The following DNAH14 variants were observed in gnomAD, a reference collection of about 807,000 sequenced individuals.
DNAH14 encodes axonemal beta dynein heavy chain 14.
Under a neutral mutation model 520.9 loss-of-function variants are expected in DNAH14, and 478 were observed. The observed-to-expected ratio is 0.92, with a 90% CI of 0.85 to 0.99. The LOEUF is 0.99. Among genes scored for constraint, DNAH14 ranks in the 50% least tolerant of loss-of-function variants. DNAH14 has a pLI of 0.00. For missense variants in DNAH14, 4,831 were observed against 5,234.5 expected (o/e 0.92, Z 2.38); for synonymous variants, 1,581 against 1,757.2 (o/e 0.90, Z 2.51).
At chr1:225,291,432 T>C (rs1487404461) in intron 55 of DNAH14, among the ~76,000 whole-genome samples, 2 of 152,138 alleles carry the variant, frequency 1.3e-5, no homozygotes, top group Non-Finnish European at 2.9e-5. Context: ...TTTGTTTTGT[T>C]TTGAGACAGA....
chr1:225,094,829 A>AC (rs2074794590), intron 21 of DNAH14, among the ~76,000 whole-genome samples: 3 of 151,360 alleles, frequency 2.0e-5, no homozygotes, highest in South Asian at 2.1e-4. Flanking sequence ...AAAAAAAAAA[A>AC]AAAAAACAAC....
chr1:225,003,601 G>A (rs1383963033), intron 9 of DNAH14, among the ~76,000 whole-genome samples: 9 of 152,136 alleles, frequency 5.9e-5, no homozygotes, highest in South Asian at 2.1e-4. Flanking sequence ...AATCAACATC[G>A]TATGTTTAGA....
rs1347168485 is a variant in DNAH14, at chr1:225,367,866, G to T, written c.12152G>T (p.Gly4051Val). Residue 4051 changes from glycine to valine, a missense_variant, in exon 77 of 86, where the codon GGG (glycine) becomes GTG (valine). Gly to Val is a moderately radical substitution (Grantham distance 109). Coordinates refer to ENST00000682510, the MANE Select transcript of DNAH14 (RefSeq NM_001367479.1). Reference protein sequence around the residue: ...SNLLQTFGCTGSGEVTEEIFE... With the variant: ...SNLLQTFGCTVSGEVTEEIFE... ...TTACTTCAGACATTTGGATGTACTG[G>T]GAGTGGAGAGGTAACAGAAGAGATA... 11 of 1,551,580 alleles carry T rather than the reference G, an allele frequency of 7.1e-6. No individual in the cohort carries two copies. Among genetic ancestry groups the T allele is most frequent in the Non-Finnish European group, 9.6e-6 (11 of 1,146,882 alleles).
chr1:225,361,145 C>T (rs1242697259), intron 75 of DNAH14, among the ~76,000 whole-genome samples: 2 of 152,104 alleles, frequency 1.3e-5, no homozygotes, highest in Non-Finnish European at 2.9e-5. Flanking sequence ...ACTTTCTTTC[C>T]TCAAACTCTT....
At chr1:225,074,039 G>T (rs1449506900) in intron 17 of DNAH14, among the ~76,000 whole-genome samples, 1 of 103,746 alleles carries the variant, frequency 9.6e-6, no homozygotes, top group Non-Finnish European at 1.8e-5. Context: ...TCGCTCTGTC[G>T]CCCAGGCTGG....
rs561093150 is a variant in DNAH14 at position 225,377,836 on chromosome 1, C to G, written c.12716+400C>G. Among the ~76,000 whole-genome samples the G allele has an allele frequency of 1.0e-3, 153 of 152,046 alleles. 1 individual carries two copies. Among genetic ancestry groups the G allele is most frequent in the Non-Finnish European group, 1.7e-3 (114 of 68,006 alleles). ...TAAAAGATATTTGAATGTTTGACCC[C>G]ATTTATAAGCTTAAACATTTTCAAA... On this transcript the variant is annotated intron_variant, in intron 79 of 85. Transcript: ENST00000682510.
intron 17 of DNAH14, among the ~76,000 whole-genome samples, chr1:225,068,575 A>G (rs1299453905): frequency 2.6e-5 from 4 of 152,182 alleles, no homozygotes; most frequent in Non-Finnish European, 5.9e-5. Context: ...CTTCCTATCC[A>G]TGAGCATGGA....
chr1:225,314,252 G>T (rs539568692), intron 60 of DNAH14, among the ~76,000 whole-genome samples: 21 of 152,262 alleles, frequency 1.4e-4, no homozygotes, highest in Non-Finnish European at 3.1e-4. Flanking sequence ...CAGAGACGAG[G>T]ATTGCAATCG....
chr1:225,101,814 TAA>T (rs1047011321), intron 23 of DNAH14, among the ~76,000 whole-genome samples: 1 of 152,190 alleles, frequency 6.6e-6, no homozygotes, highest in African/African-American at 2.4e-5. Flanking sequence ...AGTGCTTCAA[TAA>T]ACACAGAGTG....
At chr1:225,225,673 A>G (rs1358419481) in intron 41 of DNAH14, among the ~76,000 whole-genome samples, 1 of 152,198 alleles carries the variant, frequency 6.6e-6, no homozygotes, top group Non-Finnish European at 1.5e-5. Context: ...TCAATCAACC[A>G]TAAAAAAGCA....
rs185662239 is a variant in DNAH14 at position 225,270,592 on chromosome 1, C to T, written c.7540-143C>T. The T allele has an allele frequency of 1.4e-3, 879 of 613,212 alleles. 6 individuals carry two copies. In the African/African-American group the frequency reaches 0.015, roughly 10 times the overall value. 38.0% of individuals were successfully genotyped at this position (613,212 alleles called of 1,614,324 possible). The stretch of plus-strand genomic sequence containing the variant: ...GATAGATTTCTATTACCACTGTAAT[C>T]TTTGTTTTTGCAATAAATAGTAATT... On this transcript the variant is annotated intron_variant, in intron 49 of 85. Coordinates refer to ENST00000682510, the MANE Select transcript of DNAH14 (RefSeq NM_001367479.1).
intron 67 of DNAH14, 92 bp downstream of exon 67, chr1:225,337,588 A>T: frequency 4.2e-6 from 4 of 960,456 alleles, no homozygotes; most frequent in Non-Finnish European, 6.3e-6. Flanking sequence ...GTGACAGATA[A>T]CTGTCAGGGA....
chr1:225,383,651 C>T (rs2095805554), intron 81 of DNAH14, among the ~76,000 whole-genome samples: 1 of 152,170 alleles, frequency 6.6e-6, no homozygotes, highest in Non-Finnish European at 1.5e-5. Flanking sequence ...AGCAGAAAGA[C>T]GTGCTGTGTG....
intron 54 of DNAH14, among the ~76,000 whole-genome samples, chr1:225,280,779 A>G (rs961171924): frequency 2.0e-5 from 3 of 152,180 alleles, no homozygotes; most frequent in African/African-American, 4.8e-5. Context: ...AGGAATTCTC[A>G]ATAAGATTTA....
At chr1:224,938,997 A>G (rs551793893) in intron 1 of DNAH14, among the ~76,000 whole-genome samples, 1 of 152,292 alleles carries the variant, frequency 6.6e-6, no homozygotes, top group Admixed American at 6.5e-5. Flanking sequence ...TCGTGCAAAT[A>G]GAGTAGAATG....
intron 6 of DNAH14, chr1:224,967,960 C>A (rs1177001453): frequency 1.8e-6 from 2 of 1,139,574 alleles, no homozygotes; most frequent in East Asian, 4.4e-5. Context: ...ATGTAGAAAT[C>A]CCCCTTTTAC....
In DNAH14 at chr1:225,346,378, A is replaced by C; in HGVS notation, c.11095A>C (p.Lys3699Gln). 2.0e-6 allele frequency: 3 copies of C among 1,524,478 alleles called. No individual in the cohort carries two copies. Among genetic ancestry groups the C allele is most frequent in the Non-Finnish European group, 1.8e-6 (2 of 1,137,956 alleles). The allele number at this position is 1,524,478 out of a possible 1,614,324, so 94.4% of individuals were successfully genotyped here. ...AGACATGTTGACAAAAAGTATTTTT[A>C]AGGTGAGATATTCTTTAGTGTGAAT... is the stretch of plus-strand genomic sequence containing the variant. ...AIDMLTKSIFKVVSSALFNED... is the reference protein window; with the variant it reads ...AIDMLTKSIFQVVSSALFNED... The change falls in exon 70 of 86, where the codon AAG becomes CAG. Residue 3699 changes from lysine (K) to glutamine (Q), a missense_variant and splice_region_variant. Lys to Gln is a moderately conservative substitution (Grantham distance 53). Coordinates refer to ENST00000682510, the MANE Select transcript of DNAH14 (RefSeq NM_001367479.1).
At chr1:224,944,922 A>G (rs1290756051) in intron 1 of DNAH14, among the ~76,000 whole-genome samples, 2 of 152,158 alleles carry the variant, frequency 1.3e-5, no homozygotes, top group African/African-American at 4.8e-5. Flanking sequence ...GGCTGCCCTT[A>G]ACATTTTTTC....
At chr1:224,977,703 A>G (rs1335148547) in intron 8 of DNAH14, among the ~76,000 whole-genome samples, 1 of 152,244 alleles carries the variant, frequency 6.6e-6, no homozygotes, top group African/African-American at 2.4e-5. Flanking sequence ...GTATCTGCGC[A>G]GCAAAGGAAA....
Sources: gnomAD v4.1 joint callset for allele counts (sites outside exome capture counted in the v4.1 genomes callset) on GRCh38, gnomAD v4.1.1 for gene constraint, MANE v1.5 for transcripts, NCBI Gene and HGNC (gene_info 2026-07-23, HGNC 2026-07-21) for gene names.